The following KYNU variants were observed in gnomAD, a reference collection of about 807,000 sequenced individuals.
KYNU encodes the protein L-kynurenine hydrolase.
KYNU carries 54 observed loss-of-function variants against 59.2 expected under a neutral mutation model. The ratio of observed to expected loss-of-function variants is 0.91; its 90% CI spans 0.73 to 1.14. The LOEUF (loss-of-function observed/expected upper bound fraction) is 1.14. Among genes scored for constraint, KYNU ranks in the 50% most tolerant of loss-of-function variants. The pLI, the probability that KYNU is intolerant of heterozygous loss-of-function variation, is 0.00. For missense variants in KYNU, 567 were observed against 554.4 expected, an observed-to-expected ratio of 1.02 and a Z score of -0.23; for synonymous variants, 177 against 192.0, an observed-to-expected ratio of 0.92 and a Z score of 0.65.
intron 10 of KYNU, among the ~76,000 whole-genome samples, chr2:142,999,592 A>G (rs1324348657): frequency 6.6e-6 from 1 of 152,142 alleles, no homozygotes; most frequent in Non-Finnish European, 1.5e-5. Context: ...AGGCTCTCTA[A>G]TATTGTTTTA....
intron 10 of KYNU, among the ~76,000 whole-genome samples, chr2:143,011,153 A>C (rs1558974139): frequency 6.9e-6 from 1 of 145,810 alleles, no homozygotes; most frequent in Non-Finnish European, 1.5e-5. Flanking sequence ...CAATTTTTGC[A>C]ACCTACTCAT....
intron 2 of KYNU, among the ~76,000 whole-genome samples, chr2:142,911,834 A>G (rs1682489521): frequency 6.6e-6 from 1 of 152,158 alleles, no homozygotes; most frequent in African/African-American, 2.4e-5. Flanking sequence ...TTATCTTTAC[A>G]TCCTGAATCA....
At position 142,886,562 on chromosome 2, in the gene KYNU, A is replaced by C. The variant is rs1250556909; in HGVS notation, c.169+1026A>C. Among the ~76,000 whole-genome samples the C allele has an allele frequency of 2.0e-5, 3 of 148,118 alleles. No individual in the cohort carries two copies. The East Asian group carries it at 5.9e-4, about 29-fold the overall frequency. On this transcript the variant is annotated intron_variant, in intron 2 of 13. Transcript: ENST00000264170. ...AAGAGACGAAATAAAATGAGGCTAT[A>C]AGTGATCTGAGACCATAGAAGAAAA...
chr2:143,006,729 C>T (rs1685917025), intron 10 of KYNU, among the ~76,000 whole-genome samples: 1 of 151,676 alleles, frequency 6.6e-6, no homozygotes, highest in Non-Finnish European at 1.5e-5. Flanking sequence ...AGACTGCCTC[C>T]TCAAGTGGGT....
chr2:142,930,221 A>G (rs1334082813), intron 4 of KYNU, among the ~76,000 whole-genome samples: 1 of 152,204 alleles, frequency 6.6e-6, no homozygotes, highest in Non-Finnish European at 1.5e-5. Context: ...CAAGACAGAA[A>G]AAAGGTCAGA....
chr2:142,999,210 C>T (rs1187566512), intron 10 of KYNU, among the ~76,000 whole-genome samples: 2 of 151,992 alleles, frequency 1.3e-5, no homozygotes, highest in South Asian at 2.1e-4. Context: ...TCATGATGGT[C>T]TATATCTACA....
At chr2:142,996,286 G>T (rs1454488524) in intron 10 of KYNU, among the ~76,000 whole-genome samples, 1 of 152,048 alleles carries the variant, frequency 6.6e-6, no homozygotes, top group Non-Finnish European at 1.5e-5. Context: ...ATAGAGCTTG[G>T]AACAATCAAA....
At chr2:143,016,779 T>C (rs538072693) in intron 10 of KYNU, among the ~76,000 whole-genome samples, 2 of 152,298 alleles carry the variant, frequency 1.3e-5, no homozygotes, top group Non-Finnish European at 2.9e-5. Context: ...AGGGTACCTA[T>C]GCAGGCTTAT....
chr2:142,949,654 G>T (rs1016283045), intron 4 of KYNU, among the ~76,000 whole-genome samples: 3 of 152,138 alleles, frequency 2.0e-5, no homozygotes, highest in Non-Finnish European at 2.9e-5. Context: ...GTGGGCTCTG[G>T]GTCCCACCCA....
chr2:143,010,127 G>C (rs1366935427), intron 10 of KYNU, among the ~76,000 whole-genome samples: 1 of 141,618 alleles, frequency 7.1e-6, no homozygotes, highest in Non-Finnish European at 1.5e-5. Context: ...AATTGTCCCT[G>C]TTTGCAGATG....
At chr2:143,038,354 T>A (rs1404655778) in intron 12 of KYNU, among the ~76,000 whole-genome samples, 2 of 152,184 alleles carry the variant, frequency 1.3e-5, no homozygotes, top group Non-Finnish European at 2.9e-5. Flanking sequence ...GCCTTGCCTG[T>A]CCCTGCTCCT....
At position 143,013,298 on chromosome 2, in the gene KYNU, C is replaced by CTCTCTCTGTGTGTG. The variant is rs72349700; in HGVS notation, c.903-16328_903-16327insCTCTCTGTGTGTGT. On this transcript the variant is annotated intron_variant, in intron 10 of 13. Transcript: ENST00000264170. ...TCTCTCTGTTTCTCTGTCTCTTTCT[C>CTCTCTCTGTGTGTG]TGTGTGTGTGTGTGTGTGTGTCCAT... Among the ~76,000 whole-genome samples the CTCTCTCTGTGTGTG allele has an allele frequency of 8.8e-3, 1,318 of 149,560 alleles. 5 individuals are homozygous for CTCTCTCTGTGTGTG. Among genetic ancestry groups the CTCTCTCTGTGTGTG allele is most frequent in the South Asian group, 0.032 (153 of 4,718 alleles).
intron 2 of KYNU, among the ~76,000 whole-genome samples, chr2:142,905,949 G>GT (rs1199125261): frequency 6.6e-6 from 1 of 152,032 alleles, no homozygotes; most frequent in Admixed American, 6.6e-5. Flanking sequence ...AGGGCACACT[G>GT]TTTTTCTTTA....
At chr2:143,002,265 T>C (rs1226188258) in intron 10 of KYNU, among the ~76,000 whole-genome samples, 5 of 152,222 alleles carry the variant, frequency 3.3e-5, no homozygotes, top group African/African-American at 1.2e-4. Flanking sequence ...ATTGTACTTA[T>C]ACTTTTTCAG....
At chr2:142,988,178 A>T (rs1446540314) in intron 10 of KYNU, among the ~76,000 whole-genome samples, 1 of 151,952 alleles carries the variant, frequency 6.6e-6, no homozygotes, top group Non-Finnish European at 1.5e-5. Context: ...TACAATATAC[A>T]GGAAAAAGAT....
intron 8 of KYNU, among the ~76,000 whole-genome samples, chr2:142,969,499 T>G (rs1189121776): frequency 6.6e-6 from 1 of 152,164 alleles, no homozygotes; most frequent in Non-Finnish European, 1.5e-5. Flanking sequence ...GTCAAATAAG[T>G]CAAAATATGT....
chr2:142,994,372 T>C (rs1445399816), intron 10 of KYNU, among the ~76,000 whole-genome samples: 1 of 152,102 alleles, frequency 6.6e-6, no homozygotes, highest in Non-Finnish European at 1.5e-5. Context: ...ACGTGATCCA[T>C]ATTCTCCATG....
In KYNU at chr2:142,960,621, T is replaced by C. The variant is rs1684310022; in HGVS notation, c.583-3T>C. On this transcript the variant is annotated splice_region_variant and splice_polypyrimidine_tract_variant and intron_variant, in intron 7 of 13. Transcript: ENST00000264170. ...GACCTAACTTGTGCCTAACTTGATT[T>C]AGGGGGAAGAAACCTTAAGAATAGA... 6.2e-7 allele frequency: 1 copy of C among 1,613,038 alleles called. No homozygotes were observed. Among genetic ancestry groups the C allele is most frequent in the Non-Finnish European group, 8.5e-7 (1 of 1,179,222 alleles).
intron 4 of KYNU, among the ~76,000 whole-genome samples, chr2:142,929,007 C>CAAAAAAAA (rs761809423): frequency 2.9e-4 from 14 of 48,420 alleles, no homozygotes; most frequent in East Asian, 1.3e-3. Context: ...CACCCTGTCT[C>CAAAAAAAA]AAAAAAAAAA....
Sources: gnomAD v4.1 joint callset for allele counts (sites outside exome capture counted in the v4.1 genomes callset) on GRCh38, gnomAD v4.1.1 for gene constraint, MANE v1.5 for transcripts, NCBI Gene and HGNC (gene_info 2026-07-23, HGNC 2026-07-21) for gene names.